Variants in FGF14 observed in about 807,000 individuals in gnomAD.
The protein encoded by FGF14 is fibroblast growth factor homologous factor 4.
Under a neutral mutation model 25.5 loss-of-function variants are expected in FGF14, and 5 were observed. That is an observed-to-expected ratio of 0.20 (90% CI 0.10 to 0.41). The LOEUF (loss-of-function observed/expected upper bound fraction) is 0.41. FGF14 is among the 10% of genes least tolerant of loss of function. FGF14 has a pLI of 1.00. For missense variants in FGF14, 222 were observed against 320.1 expected, an observed-to-expected ratio of 0.69 and a Z score of 2.34; for synonymous variants, 138 against 118.3, an observed-to-expected ratio of 1.17 and a Z score of -1.08.
intron 1 of FGF14, among the ~76,000 whole-genome samples, chr13:102,322,198 G>A (rs991066565): frequency 6.6e-6 from 1 of 152,180 alleles, no homozygotes; most frequent in Non-Finnish European, 1.5e-5. Context: ...GATGTACAGG[G>A]TATTGCCATG....
chr13:101,946,363 C>CAAAAAA (rs59866034), intron 1 of FGF14, among the ~76,000 whole-genome samples: 16 of 91,936 alleles, frequency 1.7e-4, no homozygotes, highest in South Asian at 1.7e-3. Flanking sequence ...GCTTCTCCAT[C>CAAAAAA]AAAAAAAAAA....
intron 1 of FGF14, among the ~76,000 whole-genome samples, chr13:102,268,668 T>G (rs533983512): frequency 1.8e-4 from 27 of 152,176 alleles, no homozygotes; most frequent in African/African-American, 5.5e-4. Flanking sequence ...TTTTTATAAT[T>G]TAAATCATAT....
At chr13:102,056,479 C>T (rs536655024) in intron 1 of FGF14, among the ~76,000 whole-genome samples, 61 of 152,262 alleles carry the variant, frequency 4.0e-4, no homozygotes, top group African/African-American at 1.4e-3. Flanking sequence ...AAATCCTTCT[C>T]AGAGAATATG....
At chr13:102,065,484 T>C (rs766689203) in intron 1 of FGF14, among the ~76,000 whole-genome samples, 1 of 152,106 alleles carries the variant, frequency 6.6e-6, no homozygotes, top group Non-Finnish European at 1.5e-5. Flanking sequence ...GAAAATTGAT[T>C]CCAGAAGTAT....
At chr13:102,327,036 A>G (rs542098106) in intron 1 of FGF14, among the ~76,000 whole-genome samples, 189 of 152,308 alleles carry the variant, frequency 1.2e-3, no homozygotes, top group African/African-American at 4.4e-3. Flanking sequence ...CAAAAGCCCA[A>G]ATTGAAACAA....
At chr13:101,756,816 T>A (rs2037696084) in intron 3 of FGF14, among the ~76,000 whole-genome samples, 1 of 152,164 alleles carries the variant, frequency 6.6e-6, no homozygotes, top group Non-Finnish European at 1.5e-5. Context: ...TGAATCTACA[T>A]ATTTTCATAC....
In FGF14 at chr13:101,875,173, G is replaced by A. The variant is rs746620650; in HGVS notation, c.304+13C>T. ...ACCAACTATGTAACTGGTGGCCTGA[G>A]GTTGTCACTTACTAGAATTAGTGCT... is the stretch of plus-strand genomic sequence containing the variant. On this transcript the variant is annotated intron_variant, in intron 2 of 4. Transcript: ENST00000376143. 6.3e-7 allele frequency: 1 copy of A among 1,575,930 alleles called. No individual in the cohort carries two copies. Among genetic ancestry groups the A allele is most frequent in the Admixed American group, 1.7e-5 (1 of 59,908 alleles).
intron 1 of FGF14, among the ~76,000 whole-genome samples, chr13:102,328,829 C>G (rs534778766): frequency 6.6e-6 from 1 of 152,270 alleles, no homozygotes; most frequent in South Asian, 2.1e-4. Flanking sequence ...TCCAGATATT[C>G]TGGTGTTCCG....
intron 1 of FGF14, among the ~76,000 whole-genome samples, chr13:101,957,017 T>G (rs2036558484): frequency 6.6e-6 from 1 of 152,092 alleles, no homozygotes; most frequent in South Asian, 2.1e-4. Context: ...ATCAATATAT[T>G]CAAGATAATG....
At chr13:101,980,646 G>A (rs937820238) in intron 1 of FGF14, among the ~76,000 whole-genome samples, 2 of 152,122 alleles carry the variant, frequency 1.3e-5, no homozygotes, top group African/African-American at 4.8e-5. Flanking sequence ...TTGCTACAGT[G>A]GATCAAGGCA....
intron 1 of FGF14, among the ~76,000 whole-genome samples, chr13:102,121,078 T>C (rs1594037932): frequency 6.6e-6 from 1 of 152,190 alleles, no homozygotes; most frequent in East Asian, 1.9e-4. Flanking sequence ...GCCAGAATGA[T>C]TTCAGGATCA....
chr13:101,881,740 G>A (rs1250873961), intron 1 of FGF14, among the ~76,000 whole-genome samples: 2 of 152,184 alleles, frequency 1.3e-5, no homozygotes, highest in African/African-American at 4.8e-5. Flanking sequence ...AAGCGCACCA[G>A]CAAAGAAGCT....
In FGF14 at chr13:102,272,571, G is replaced by A. The variant is rs969588267; in HGVS notation, c.208+128900C>T. Among the ~76,000 whole-genome samples the A allele has an allele frequency of 8.5e-5, 13 of 152,136 alleles. No individual in the cohort carries two copies. In the East Asian group the frequency reaches 1.9e-3, roughly 23 times the overall value. On this transcript the variant is annotated intron_variant, in intron 1 of 4. Coordinates refer to the FGF14 transcript ENST00000376131. ...TATCTAACATTTATTAAATGACTAC[G>A]GCACACAAGGTCCTGTCCTAAATAC... is the stretch of plus-strand genomic sequence containing the variant.
intron 1 of FGF14, among the ~76,000 whole-genome samples, chr13:102,244,165 G>C (rs1051603843): frequency 3.9e-5 from 6 of 152,048 alleles, no homozygotes; most frequent in Non-Finnish European, 7.4e-5. Context: ...ATTTAAACTG[G>C]TACTTATTAC....
rs1312385870 is a variant in FGF14 at position 102,017,195 on chromosome 13, T to C, written c.209-141899A>G. 1.4e-5 allele frequency: 4 copies of C among 290,424 alleles called. No individual in the cohort carries two copies. The East Asian group carries it at 3.1e-4, about 23-fold the overall frequency. The allele number at this position is 290,424 out of a possible 1,614,324, so 18.0% of individuals were successfully genotyped here. ...CTGGGTAGAAGTGTATTCTCCAGTT[T>C]TACTTGTTGATTTTTGGATGTGTGC... On this transcript the variant is annotated intron_variant, in intron 1 of 4. Transcript: ENST00000376131.
At chr13:101,801,113 A>C (rs1314279500) in intron 3 of FGF14, among the ~76,000 whole-genome samples, 1 of 152,170 alleles carries the variant, frequency 6.6e-6, no homozygotes. Flanking sequence ...TCAAATCGCT[A>C]TTTTGGCATC....
At chr13:102,175,713 T>C (rs2048418300) in intron 1 of FGF14, among the ~76,000 whole-genome samples, 1 of 151,248 alleles carries the variant, frequency 6.6e-6, no homozygotes, top group African/African-American at 2.4e-5. Context: ...CTCAAACAGA[T>C]AAAAGAGAAA....
intron 1 of FGF14, among the ~76,000 whole-genome samples, chr13:102,231,964 G>A (rs2140995453): frequency 6.6e-6 from 1 of 152,328 alleles, no homozygotes; most frequent in East Asian, 1.9e-4. Flanking sequence ...TGCTGATTGT[G>A]ATAGAGAAAA....
At chr13:101,724,597 A>ATATATATAT (rs2035247655) in intron 4 of FGF14, among the ~76,000 whole-genome samples, 1 of 121,286 alleles carries the variant, frequency 8.2e-6, no homozygotes, top group Non-Finnish European at 1.7e-5. Flanking sequence ...ATAATAATAA[A>ATATATATAT]ATATATATAT....
Sources: allele counts gnomAD v4.1 joint callset (sites outside exome capture counted in the v4.1 genomes callset), GRCh38; gene constraint gnomAD v4.1.1; transcripts MANE v1.5; gene names NCBI Gene and HGNC (gene_info 2026-07-23, HGNC 2026-07-21).